Variants in TANC1 observed in about 807,000 individuals in gnomAD.
TANC1 encodes the protein protein TANC1.
TANC1 carries 77 observed loss-of-function variants against 149.7 expected under a neutral mutation model. That is an observed-to-expected ratio of 0.51 (90% CI 0.43 to 0.62). The LOEUF is 0.62. Ranked by LOEUF, TANC1 falls within the 20% of genes least tolerant of loss-of-function variation. TANC1 has a pLI of 0.00. For synonymous variants in TANC1, 854 were observed against 925.0 expected, an observed-to-expected ratio of 0.92 and a Z score of 1.39; for missense variants, 1,985 against 2,321.8, an observed-to-expected ratio of 0.85 and a Z score of 2.98.
intron 1 of TANC1, among the ~76,000 whole-genome samples, chr2:158,977,095 AT>A (rs922210163): frequency 2.0e-5 from 3 of 152,006 alleles, no homozygotes; most frequent in African/African-American, 7.2e-5. Flanking sequence ...TATGTTATAA[AT>A]TTTTTCCCCT....
intron 4 of TANC1, among the ~76,000 whole-genome samples, chr2:159,120,551 A>C (rs912899777): frequency 6.6e-6 from 1 of 152,222 alleles, no homozygotes; most frequent in Non-Finnish European, 1.5e-5. Context: ...ATGGCTTCTC[A>C]CAAGACTTAA....
intron 4 of TANC1, among the ~76,000 whole-genome samples, chr2:159,130,570 C>G (rs1224326369): frequency 6.6e-6 from 1 of 152,126 alleles, no homozygotes; most frequent in Non-Finnish European, 1.5e-5. Flanking sequence ...TGTGATGGCT[C>G]CTGACTGTGT....
intron 13 of TANC1, among the ~76,000 whole-genome samples, chr2:159,177,769 CTTCTT>C (rs1328732320): frequency 1.3e-5 from 2 of 152,144 alleles, no homozygotes; most frequent in African/African-American, 2.4e-5. Flanking sequence ...AGGCAAAACT[CTTCTT>C]TGCTTTTAGG....
chr2:159,078,447 TA>T (rs774557270), intron 3 of TANC1, among the ~76,000 whole-genome samples: 23 of 152,262 alleles, frequency 1.5e-4, no homozygotes, highest in Non-Finnish European at 3.1e-4. Context: ...AGTCATCCTT[TA>T]TTTTTTATAG....
chr2:159,070,159 G>GT (rs1476657856), intron 3 of TANC1, among the ~76,000 whole-genome samples: 4 of 151,878 alleles, frequency 2.6e-5, no homozygotes. Context: ...AGGAAATACT[G>GT]TTTTTCTGAA....
rs558560449 is a variant in TANC1, at chr2:158,989,719, A to G, written c.-125-11361A>G. Among the ~76,000 whole-genome samples, 6 of 152,006 alleles carry G rather than the reference A, an allele frequency of 3.9e-5. No individual in the cohort carries two copies. The East Asian group carries it at 7.7e-4, about 20-fold the overall frequency. On this transcript the variant is annotated intron_variant, in intron 1 of 26. Transcript: ENST00000263635. ...AGACTGTCGTGCCCTTAGAGTATCC[A>G]TAATAATTATGAAGATGTCAAGTCC...
At chr2:159,174,921 G>C in intron 11 of TANC1, 32 bp from the exon 12 acceptor site, 1 of 1,539,694 alleles carries the variant, frequency 6.5e-7, no homozygotes, top group Non-Finnish European at 9.0e-7. Context: ...TGAAGAGGGT[G>C]AGGTGATGCT....
intron 2 of TANC1, among the ~76,000 whole-genome samples, chr2:159,051,614 G>C (rs1280814910): frequency 6.6e-6 from 1 of 151,478 alleles, no homozygotes; most frequent in Non-Finnish European, 1.5e-5. Context: ...CCACCCATAG[G>C]AATTAGCTCT....
chr2:159,063,117 A>G (rs1214266281), intron 2 of TANC1, among the ~76,000 whole-genome samples: 3 of 152,136 alleles, frequency 2.0e-5, no homozygotes, highest in East Asian at 1.9e-4. Flanking sequence ...CTCTCTCCCT[A>G]CTATTTGCAG....
At position 159,103,147 on chromosome 2, in the gene TANC1, C is replaced by A. The variant is rs2046901015; in HGVS notation, c.259+5313C>A. Among the ~76,000 whole-genome samples, 2 of 96,194 alleles carry A rather than the reference C, an allele frequency of 2.1e-5. 1 individual carries two copies. Among genetic ancestry groups the A allele is most frequent in the African/African-American group, 5.8e-5 (2 of 34,716 alleles). The allele number at this position is 96,194 out of a possible 152,430, so 63.1% of individuals were successfully genotyped here. A position where few individuals can be genotyped will look rare whatever the true frequency, so the allele number is the denominator to read the frequency against. ...ATCTTAACCATTTAAGTGTACAGTT[C>A]AGTGGTAATTACACTCACGTTGTTG... On this transcript the variant is annotated intron_variant, in intron 4 of 26. Coordinates refer to ENST00000263635, the MANE Select transcript of TANC1 (RefSeq NM_033394.3).
At chr2:159,221,148 C>T (rs2059684595) in intron 22 of TANC1, among the ~76,000 whole-genome samples, 2 of 152,148 alleles carry the variant, frequency 1.3e-5, no homozygotes, top group South Asian at 2.1e-4. Context: ...GTCAGGAGTT[C>T]GAGATTAAGC....
chr2:159,168,702 G>A (rs1284069865), intron 8 of TANC1, among the ~76,000 whole-genome samples: 4 of 151,606 alleles, frequency 2.6e-5, no homozygotes, highest in African/African-American at 4.9e-5. Flanking sequence ...CAAAAAATGC[G>A]GTATGATATA....
chr2:159,187,617 G>A (rs1011566383), intron 16 of TANC1, among the ~76,000 whole-genome samples: 1 of 152,116 alleles, frequency 6.6e-6, no homozygotes, highest in Non-Finnish European at 1.5e-5. Flanking sequence ...GGAATCTGAA[G>A]CACACAGAGG....
rs370699223 is a variant in TANC1 at position 159,175,132 on chromosome 2, G to A, written c.1683G>A (p.Pro561=). 22 of 1,614,016 alleles carry A rather than the reference G, an allele frequency of 1.4e-5. No individual in the cohort carries two copies. Among genetic ancestry groups the A allele is most frequent in the African/African-American group, 2.7e-5 (2 of 74,894 alleles). Residue 561 remains proline, a synonymous_variant, in exon 12 of 27, where the codon CCG becomes CCA. Transcript: ENST00000263635. ...MLSLRSCVQD[P]VAAFKRGVLE... is the part of the protein sequence containing the mutation. ...GCCTCCGATCCTGTGTGCAGGACCC[G>A]GTGGCAGCTTTCAAGAGGGGAGTGC... is the stretch of plus-strand genomic sequence containing the variant.
At chr2:159,226,635 T>A (rs1035868652) in intron 24 of TANC1, 1 of 152,236 alleles carries the variant, frequency 6.6e-6, no homozygotes, top group Non-Finnish European at 1.5e-5. Flanking sequence ...CATTTTCCCT[T>A]GGAAATGGAA....
intron 3 of TANC1, among the ~76,000 whole-genome samples, chr2:159,094,084 T>C (rs961899128): frequency 6.6e-6 from 1 of 152,216 alleles, no homozygotes; most frequent in African/African-American, 2.4e-5. Context: ...TGTGTCCTCA[T>C]GCAAATTAAA....
At chr2:159,083,270 A>C (rs1268719815) in intron 3 of TANC1, among the ~76,000 whole-genome samples, 2 of 150,090 alleles carry the variant, frequency 1.3e-5, no homozygotes, top group African/African-American at 4.9e-5. Flanking sequence ...TTTTTTTTTT[A>C]AATAACAATT....
rs192376526 is a variant in TANC1, at chr2:159,158,635, G to A, written c.683-4648G>A. Among the ~76,000 whole-genome samples the A allele has an allele frequency of 2.3e-3, 353 of 152,300 alleles. 1 individual carries two copies. The highest frequency in any genetic ancestry group is 3.9e-3 in the Admixed American group (60 of 15,302). The stretch of plus-strand genomic sequence containing the variant: ...CCAAGATTTTTCCTTTTCCATGAAG[G>A]TATGAGTTGGGGAAAGTATGAAATA... On this transcript the variant is annotated intron_variant, in intron 7 of 26. Transcript: ENST00000263635.
At chr2:159,104,981 C>CTTTTTTTT (rs146778655) in intron 4 of TANC1, among the ~76,000 whole-genome samples, 1 of 43,386 alleles carries the variant, frequency 2.3e-5, no homozygotes, top group African/African-American at 7.1e-5. Context: ...TGGATATTTG[C>CTTTTTTTT]TTTTTTTTTT....
Sources: gnomAD v4.1 joint callset for allele counts (sites outside exome capture counted in the v4.1 genomes callset) on GRCh38, gnomAD v4.1.1 for gene constraint, MANE v1.5 for transcripts, NCBI Gene and HGNC (gene_info 2026-07-23, HGNC 2026-07-21) for gene names.